Variants in CASTOR2 observed in about 807,000 individuals in gnomAD.
The protein encoded by CASTOR2 is GATS protein like 2.
CASTOR2 carries 8 observed loss-of-function variants against 31.2 expected under a neutral mutation model. That is an observed-to-expected ratio of 0.26 (90% CI 0.15 to 0.46). CASTOR2 has a LOEUF of 0.46. CASTOR2 is among the 20% of genes least tolerant of loss of function. The pLI is 0.99. For synonymous variants in CASTOR2, 162 were observed against 158.7 expected (o/e 1.02, Z -0.16); for missense variants, 216 against 382.1 (o/e 0.57, Z 3.62).
chr7:75,024,148 G>C (rs1312065659), intron 7 of CASTOR2, among the ~76,000 whole-genome samples: 2 of 152,102 alleles, frequency 1.3e-5, no homozygotes, highest in African/African-American at 4.8e-5. Context: ...AAATTAGCTG[G>C]GCATGGTGGT....
chr7:75,024,622 A>G lies in CASTOR2; in HGVS notation c.925-12A>G. On this transcript the variant is annotated splice_polypyrimidine_tract_variant and intron_variant, in intron 8 of 8. Coordinates refer to ENST00000616305, the MANE Select transcript of CASTOR2 (RefSeq NM_001145064.3). ...TCACGGGCAGGCATCTGCCTCCTCT[A>G]CCCCTGCACAGGTCCCCGAAGAGAA... The G allele has an allele frequency of 1.3e-6, 2 of 1,550,942 alleles. No individual in the cohort carries two copies. Among genetic ancestry groups the G allele is most frequent in the African/African-American group, 1.4e-5 (1 of 72,866 alleles).
intron 2 of CASTOR2, among the ~76,000 whole-genome samples, chr7:75,009,370 C>G (rs1804680010): frequency 6.8e-6 from 1 of 146,300 alleles, no homozygotes; most frequent in African/African-American, 2.5e-5. Context: ...CAGGTTCACA[C>G]CATTCTCCTG....
chr7:75,020,208 C>T (rs1227085241), intron 6 of CASTOR2, 59 bp downstream of exon 6: 11 of 1,426,894 alleles, frequency 7.7e-6, no homozygotes, highest in Non-Finnish European at 1.1e-5. Flanking sequence ...TCTGGGGGGA[C>T]TATGTGATGG....
At chr7:74,983,322 C>T (rs1803989837) in intron 1 of CASTOR2, among the ~76,000 whole-genome samples, 1 of 151,416 alleles carries the variant, frequency 6.6e-6, no homozygotes, top group Non-Finnish European at 1.5e-5. Context: ...ACATTTCTTT[C>T]TTCTTCTTTT....
At chr7:75,013,107 A>G (rs1804791315) in intron 2 of CASTOR2, among the ~76,000 whole-genome samples, 2 of 152,210 alleles carry the variant, frequency 1.3e-5, no homozygotes, top group African/African-American at 2.4e-5. Flanking sequence ...GGCATGGGGA[A>G]TGAAGGCCGG....
At chr7:74,982,002 A>G in intron 1 of CASTOR2, among the ~76,000 whole-genome samples, 2 of 86,314 alleles carry the variant, frequency 2.3e-5, no homozygotes, top group Admixed American at 1.3e-4. Flanking sequence ...CAGGAGTTGG[A>G]GGCTGCAGTG....
In CASTOR2 at chr7:75,030,788, C is replaced by T. The variant is rs1414026257; in HGVS notation, c.*6089C>T. Among the ~76,000 whole-genome samples the T allele has an allele frequency of 6.6e-6, 1 of 152,172 alleles. No individual in the cohort carries two copies. Among genetic ancestry groups the T allele is most frequent in the African/African-American group, 2.4e-5 (1 of 41,446 alleles). Reference sequence around the variant, plus strand: ...TCCACCATGCTCTGGTTTGATACAGCCCAGCTCTGATTGGAAGGGGCTGGG... The same window carrying T: ...TCCACCATGCTCTGGTTTGATACAGTCCAGCTCTGATTGGAAGGGGCTGGG... On this transcript the variant is annotated 3_prime_UTR_variant, in exon 9 of 9. Coordinates refer to ENST00000616305, the MANE Select transcript of CASTOR2 (RefSeq NM_001145064.3).
intron 1 of CASTOR2, among the ~76,000 whole-genome samples, chr7:75,000,402 C>A (rs1433906224): frequency 6.6e-6 from 1 of 152,176 alleles, no homozygotes; most frequent in Non-Finnish European, 1.5e-5. Context: ...GCCAAACTCC[C>A]TCATTCCAGA....
chr7:74,993,288 TC>T (rs1804255820), intron 1 of CASTOR2, among the ~76,000 whole-genome samples: 2 of 151,924 alleles, frequency 1.3e-5, no homozygotes, highest in African/African-American at 4.8e-5. Flanking sequence ...AGAAGTGAGT[TC>T]CCCATCCCTA....
chr7:74,992,966 C>T (rs1300548188), intron 1 of CASTOR2, among the ~76,000 whole-genome samples: 22 of 151,846 alleles, frequency 1.4e-4, no homozygotes, highest in Non-Finnish European at 1.6e-4. Context: ...TTTGGGAGGC[C>T]GAGGCAGGTG....
At position 74,993,449 on chromosome 7, in the gene CASTOR2, T is replaced by G. The variant is rs1804260399; in HGVS notation, c.114-14545T>G. ...TCCCTGAAGGTCCTCCTTTGTCTTT[T>G]TTTTTTTTTTTTTTTTTTTGAGAGC... On this transcript the variant is annotated intron_variant, in intron 1 of 8. Transcript: ENST00000616305. Among the ~76,000 whole-genome samples, 4 of 11,630 alleles carry G rather than the reference T, an allele frequency of 3.4e-4. No homozygotes were observed. In the South Asian group the frequency reaches 0.019, roughly 55 times the overall value. The allele number at this position is 11,630 out of a possible 152,430, so 7.6% of individuals were successfully genotyped here.
At chr7:75,002,860 G>A (rs1336620638) in intron 1 of CASTOR2, among the ~76,000 whole-genome samples, 1 of 151,988 alleles carries the variant, frequency 6.6e-6, no homozygotes, top group African/African-American at 2.4e-5. Flanking sequence ...GGTGGAGGTG[G>A]GAGGATCACT....
chr7:74,985,495 C>A (rs1207465909), intron 1 of CASTOR2, among the ~76,000 whole-genome samples: 3 of 145,892 alleles, frequency 2.1e-5, no homozygotes, highest in Non-Finnish European at 3.0e-5. Context: ...GTGGGAGGAT[C>A]ACTTGAGCCT....
intron 1 of CASTOR2, among the ~76,000 whole-genome samples, chr7:74,965,882 A>ACACT (rs201553918): frequency 2.6e-4 from 5 of 19,028 alleles, no homozygotes; most frequent in African/African-American, 6.0e-4. Flanking sequence ...ACACACACAC[A>ACACT]CTCTCTCTCT....
chr7:75,013,773 G>A (rs1162194086), intron 2 of CASTOR2, among the ~76,000 whole-genome samples: 2 of 152,104 alleles, frequency 1.3e-5, no homozygotes, highest in Non-Finnish European at 1.5e-5. Context: ...TGTCACCCCG[G>A]TTGGAGTCCA....
In CASTOR2 at chr7:75,008,045, C is replaced by T. The variant is rs1554438949; in HGVS notation, c.165C>T (p.Val55=). 8 of 1,613,748 alleles carry T rather than the reference C, an allele frequency of 5.0e-6. No individual in the cohort carries two copies. In the African/African-American group the frequency reaches 5.3e-5, roughly 11 times the overall value. ...TETPEDYTII[V]DEEGFLELPS... ...CGCCAGAGGATTACACTATCATTGT[C>T]GATGAGGAAGGATTCCTAGGTAAGT... The change falls in exon 2 of 9, where the codon GTC becomes GTT. Residue 55 remains valine (V), a synonymous_variant. Coordinates refer to ENST00000616305, the MANE Select transcript of CASTOR2 (RefSeq NM_001145064.3).
At chr7:75,015,560 G>A (rs1804845465) in intron 2 of CASTOR2, among the ~76,000 whole-genome samples, 1 of 152,108 alleles carries the variant, frequency 6.6e-6, no homozygotes, top group Admixed American at 6.5e-5. Flanking sequence ...GTACGGGCAT[G>A]AGCCACCGCC....
chr7:75,028,309 C>T lies in CASTOR2; in HGVS notation c.*3610C>T, dbSNP rs906811267. On this transcript the variant is annotated 3_prime_UTR_variant, in exon 9 of 9. Coordinates refer to ENST00000616305, the MANE Select transcript of CASTOR2 (RefSeq NM_001145064.3). ...CTAATTTTTGTATTTTTGGTAGAGACGGGGTTTCACCATGTTGGCCACGCT... is the reference window on the plus strand; with the variant it reads ...CTAATTTTTGTATTTTTGGTAGAGATGGGGTTTCACCATGTTGGCCACGCT... 9.2e-5 allele frequency among the ~76,000 whole-genome samples: 14 copies of T among 152,006 alleles called. No homozygotes were observed. Among genetic ancestry groups the T allele is most frequent in the Admixed American group, 2.0e-4 (3 of 15,240 alleles).
intron 1 of CASTOR2, among the ~76,000 whole-genome samples, chr7:74,975,922 G>C (rs1465595501): frequency 6.8e-6 from 1 of 148,124 alleles, no homozygotes; most frequent in Admixed American, 6.9e-5. Context: ...CCATGGAGAG[G>C]CCCATATGGA....
Sources: allele counts gnomAD v4.1 joint callset (sites outside exome capture counted in the v4.1 genomes callset), GRCh38; gene constraint gnomAD v4.1.1; transcripts MANE v1.5; gene names NCBI Gene and HGNC (gene_info 2026-07-23, HGNC 2026-07-21).